The following EPHX2 variants were observed in gnomAD, a reference collection of about 807,000 sequenced individuals.
EPHX2 encodes the protein bifunctional epoxide hydrolase 2.
Under a neutral mutation model 78.7 loss-of-function variants are expected in EPHX2, and 74 were observed. The observed-to-expected ratio is 0.94, with a 90% CI of 0.78 to 1.14. EPHX2 has a LOEUF of 1.14. EPHX2 is among the 50% of genes most tolerant of loss of function. The pLI is 0.00. For missense variants in EPHX2, 715 were observed against 702.5 expected (o/e 1.02, Z -0.20); for synonymous variants, 251 against 255.2 (o/e 0.98, Z 0.16).
At chr8:27,518,136 TG>T in intron 9 of EPHX2, 64 bp downstream of exon 9, 1 of 1,407,466 alleles carries the variant, frequency 7.1e-7, no homozygotes, top group East Asian at 2.3e-5. Context: ...AACCCGAAGC[TG>T]GGGTATCCAT....
At chr8:27,514,583 C>T (rs556002245) in intron 6 of EPHX2, among the ~76,000 whole-genome samples, 20 of 152,184 alleles carry the variant, frequency 1.3e-4, no homozygotes, top group Non-Finnish European at 2.6e-4. Context: ...GTGTATTTCT[C>T]GCCTACAGCA....
At chr8:27,497,498 T>G (rs1228587262) in intron 1 of EPHX2, among the ~76,000 whole-genome samples, 1 of 152,190 alleles carries the variant, frequency 6.6e-6, no homozygotes, top group Non-Finnish European at 1.5e-5. Context: ...TTCTCTTATC[T>G]CACTTTTCCT....
At chr8:27,524,581 G>A (rs1425733746) in intron 11 of EPHX2, among the ~76,000 whole-genome samples, 5 of 152,078 alleles carry the variant, frequency 3.3e-5, no homozygotes, top group African/African-American at 9.7e-5. Context: ...TTCTAGCCAC[G>A]CAGACTGTGT....
rs1164748657 is a variant in EPHX2, at chr8:27,522,371, C to T, written c.973-52C>T. On this transcript the variant is annotated intron_variant, in intron 10 of 18. Transcript: ENST00000521400. ...TGGCTGATGGCCGAACCTCTCAGCA[C>T]CCCGTTCCAGAAGCCTCCCCACATT... 6 of 1,590,648 alleles carry T rather than the reference C, an allele frequency of 3.8e-6. No homozygotes were observed. In the East Asian group the frequency reaches 9.0e-5, roughly 24 times the overall value.
intron 12 of EPHX2, among the ~76,000 whole-genome samples, chr8:27,533,455 G>A (rs909266616): frequency 3.3e-5 from 5 of 152,194 alleles, no homozygotes; most frequent in South Asian, 2.1e-4. Context: ...AAAGAGAGTC[G>A]GAAGATCTCA....
chr8:27,509,972 G>A (rs1406767760), intron 5 of EPHX2, among the ~76,000 whole-genome samples: 4 of 152,128 alleles, frequency 2.6e-5, no homozygotes, highest in East Asian at 1.9e-4. Flanking sequence ...AAGGGGCACC[G>A]GCCCTGCTCA....
At position 27,540,578 on chromosome 8, in the gene EPHX2, A is replaced by G. The variant is rs1472267218; in HGVS notation, c.1301A>G (p.Glu434Gly). The change falls in exon 15 of 19, where the codon GAA becomes GGA. Residue 434 changes from glutamate (E) to glycine (G), a missense_variant. Glu to Gly is a moderately conservative substitution (Grantham distance 98). Transcript: ENST00000521400. ...GGAGGACTTTTTGTAAATAGCCCAG[A>G]AGAGCCCAGCCTCAGCAGGATGGTC... ...EAGGLFVNSP[E>G]EPSLSRMVTE... 6.2e-7 allele frequency: 1 copy of G among 1,614,178 alleles called. No homozygotes were observed. Among genetic ancestry groups the G allele is most frequent in the Non-Finnish European group, 8.5e-7 (1 of 1,180,004 alleles).
At chr8:27,501,354 C>CT (rs1201127387) in intron 2 of EPHX2, among the ~76,000 whole-genome samples, 1 of 127,114 alleles carries the variant, frequency 7.9e-6, no homozygotes, top group African/African-American at 3.1e-5. Context: ...TCTTCTTCTT[C>CT]TTCTTCTTCT....
chr8:27,521,088 T>G (rs1345382623), intron 10 of EPHX2, among the ~76,000 whole-genome samples, 179 bp downstream of exon 10: 3 of 152,136 alleles, frequency 2.0e-5, no homozygotes, highest in African/African-American at 7.2e-5. Flanking sequence ...GAGCAAGGAT[T>G]GCGTGGAGAA....
chr8:27,517,813 T>C (rs1261258912), intron 8 of EPHX2, among the ~76,000 whole-genome samples: 2 of 152,168 alleles, frequency 1.3e-5, no homozygotes, highest in Non-Finnish European at 2.9e-5. Flanking sequence ...AAGCTTGACA[T>C]TGGTCTTGGC....
At chr8:27,494,884 C>G (rs181501992) in intron 1 of EPHX2, among the ~76,000 whole-genome samples, 1 of 152,324 alleles carries the variant, frequency 6.6e-6, no homozygotes, top group Non-Finnish European at 1.5e-5. Context: ...AACTATGCCC[C>G]CATGAAAGTC....
At chr8:27,542,939 G>A (rs911329074) in intron 16 of EPHX2, among the ~76,000 whole-genome samples, 2 of 151,890 alleles carry the variant, frequency 1.3e-5, no homozygotes, top group African/African-American at 4.8e-5. Flanking sequence ...ACTGCACCCA[G>A]CCTCTCTTCT....
chr8:27,500,525 CAAA>C lies in EPHX2; in HGVS notation c.102-397_102-395del, dbSNP rs563504341. Reference sequence around the variant, plus strand: ...AACTAGAGAGGCAGAATCGAAACCACAAAAAACATATTCCATTCTTTTTGAAGA... The same window carrying C: ...AACTAGAGAGGCAGAATCGAAACCACAAACATATTCCATTCTTTTTGAAGA... On this transcript the variant is annotated intron_variant, in intron 1 of 18. Transcript: ENST00000521400. Among the ~76,000 whole-genome samples the C allele has an allele frequency of 2.0e-5, 3 of 152,246 alleles. No homozygotes were observed. In the South Asian group the frequency reaches 6.2e-4, roughly 32 times the overall value.
intron 16 of EPHX2, among the ~76,000 whole-genome samples, chr8:27,543,259 A>G (rs1815467010): frequency 6.6e-6 from 1 of 152,034 alleles, no homozygotes; most frequent in African/African-American, 2.4e-5. Context: ...GCGAGAACAA[A>G]GGAAAAAACA....
rs376799140 is a variant in EPHX2 at position 27,500,930 on chromosome 8, C to T, written c.106C>T (p.Leu36Phe). 1.9e-6 allele frequency: 3 copies of T among 1,612,916 alleles called. No homozygotes were observed. The highest frequency in any genetic ancestry group is 1.1e-5 in the South Asian group (1 of 90,838). ...GATGTTCTTTGTGTTTTCCAGAGGA[C>T]TTCTGAATGATGCTTTCCAGAAAGG... is the stretch of plus-strand genomic sequence containing the variant. Reference protein sequence around the residue: ...TEEALALPRGLLNDAFQKGGP... With the variant: ...TEEALALPRGFLNDAFQKGGP... The change falls in exon 2 of 19, where the codon CTT becomes TTT. Residue 36 changes from leucine (L) to phenylalanine (F), a missense_variant. Physicochemically the swap from Leu to Phe is conservative, Grantham distance 22 (BLOSUM62 0). Transcript: ENST00000521400.
intron 12 of EPHX2, among the ~76,000 whole-genome samples, chr8:27,529,804 G>A (rs539293163): frequency 4.0e-4 from 61 of 151,822 alleles, no homozygotes; most frequent in Non-Finnish European, 8.1e-4. Flanking sequence ...CCAGCTGCTC[G>A]GGAGGCTGAG....
At chr8:27,507,591 C>T (rs1585193503) in intron 5 of EPHX2, among the ~76,000 whole-genome samples, 1 of 152,324 alleles carries the variant, frequency 6.6e-6, no homozygotes, top group East Asian at 1.9e-4. Context: ...CCTGTGAGCA[C>T]AGGGGAGAAG....
chr8:27,536,898 T>C, intron 13 of EPHX2, 43 bp downstream of exon 13: 1 of 1,607,374 alleles, frequency 6.2e-7, no homozygotes, highest in Non-Finnish European at 8.5e-7. Context: ...AGGGGGCAGT[T>C]GTGAAGGAAG....
At position 27,518,193 on chromosome 8, in the gene EPHX2, C is replaced by G. The variant is rs999911820; in HGVS notation, c.945+121C>G. The G allele has an allele frequency of 5.2e-5, 41 of 781,524 alleles. 1 individual carries two copies. In the African/African-American group the frequency reaches 5.8e-4, roughly 11 times the overall value. 48.4% of individuals were successfully genotyped at this position (781,524 alleles called of 1,614,324 possible). A position where few individuals can be genotyped will look rare whatever the true frequency, so the allele number is the denominator to read the frequency against. Reference sequence around the variant, plus strand: ...ATTTCACAGCCTCTGGGTATAAATTCCTACTGAAAGTTGAACAGTATTTCC... The same window carrying G: ...ATTTCACAGCCTCTGGGTATAAATTGCTACTGAAAGTTGAACAGTATTTCC... On this transcript the variant is annotated intron_variant, in intron 9 of 18. Transcript: ENST00000521400.
Sources: gnomAD v4.1 joint callset for allele counts (sites outside exome capture counted in the v4.1 genomes callset) on GRCh38, gnomAD v4.1.1 for gene constraint, MANE v1.5 for transcripts, NCBI Gene and HGNC (gene_info 2026-07-23, HGNC 2026-07-21) for gene names.